Variants in ADGRG2 observed in about 807,000 individuals in gnomAD.
The protein encoded by ADGRG2 is adhesion G protein-coupled receptor G2, also known as G protein-coupled receptor 64.
A neutral mutation model predicts 74.1 loss-of-function variants in ADGRG2; 26 were observed. That is an observed-to-expected ratio of 0.35 (90% confidence interval 0.26 to 0.49). ADGRG2 has a LOEUF of 0.49. Ranked by LOEUF, ADGRG2 falls within the 20% of genes least tolerant of loss-of-function variation. The pLI is 0.99. For missense variants in ADGRG2, 619 were observed against 763.1 expected (o/e 0.81, Z 2.22); for synonymous variants, 296 against 295.2 (o/e 1.00, Z -0.03).
chrX:19,016,431 CACCCAGG>C (rs1017254159), intron 15 of ADGRG2, among the ~76,000 whole-genome samples: 5 of 111,520 alleles, frequency 4.5e-5, no homozygotes, highest in African/African-American at 1.6e-4. Flanking sequence ...AGAACCACCC[CACCCAGG>C]AGTTTTTAAA....
intron 1 of ADGRG2, among the ~76,000 whole-genome samples, chrX:19,107,434 T>C (rs2062320248): frequency 8.9e-6 from 1 of 112,311 alleles, no homozygotes; most frequent in Admixed American, 9.5e-5. Flanking sequence ...AATACTACTG[T>C]CAACCAATAC....
At chrX:19,095,364 C>T (rs1426392676) in intron 1 of ADGRG2, among the ~76,000 whole-genome samples, 2 of 111,288 alleles carry the variant, frequency 1.8e-5, no homozygotes, top group Non-Finnish European at 3.8e-5. Context: ...CCGGGCCTGC[C>T]TGTTATGAGG....
upstream of ADGRG2, chrX:19,122,732 C>G (rs1026395814): frequency 9.0e-6 from 1 of 110,982 alleles, no homozygotes; most frequent in African/African-American, 3.2e-5. Flanking sequence ...GGGGCAGGGG[C>G]CGGGGAGAAG....
At chrX:19,004,648 A>C (rs1049805880) in intron 23 of ADGRG2, 110 bp downstream of exon 23, 1 of 702,357 alleles carries the variant, frequency 1.4e-6, no homozygotes, top group African/African-American at 2.2e-5. Flanking sequence ...ATGCTCCACT[A>C]GCTGGGTGTA....
At chrX:19,077,883 C>A (rs2061778919) in intron 2 of ADGRG2, among the ~76,000 whole-genome samples, 1 of 112,174 alleles carries the variant, frequency 8.9e-6, no homozygotes, top group Non-Finnish European at 1.9e-5. Context: ...CACCAAACAG[C>A]ATTGACAGAA....
At chrX:19,030,907 CAAAAG>C (rs1229988060) in intron 9 of ADGRG2, 72 bp downstream of exon 9, 4 of 701,470 alleles carry the variant, frequency 5.7e-6, no homozygotes, top group African/African-American at 4.3e-5. Context: ...ACCACATACT[CAAAAG>C]AAAAGAAAGT....
chrX:19,022,528 G>A (rs1053415129), intron 13 of ADGRG2, among the ~76,000 whole-genome samples: 1 of 110,991 alleles, frequency 9.0e-6, no homozygotes, highest in African/African-American at 3.3e-5. Context: ...CAGAAGGCTC[G>A]GGGTTCAGAT....
Position 18,995,001 on chromosome X carries a change from G to C in ADGRG2, c.2764C>G (p.Gln922Glu), listed in dbSNP as rs759809156. Residue 922 changes from glutamine to glutamate, a missense_variant, in exon 28 of 29, where the codon CAA becomes GAA. Around this residue, in one of 3 missense-constraint regions of ADGRG2, gnomAD observed 106 missense variants for 104.5 expected, o/e 1.01. Coordinates refer to ENST00000379869, the MANE Select transcript of ADGRG2 (RefSeq NM_001079858.3). ...TNGLKKQTVNQGVSSSSNSLQ... is the reference protein window; with the variant it reads ...TNGLKKQTVNEGVSSSSNSLQ... ...GAATTTGAAGAGCTGGACACTCCTT[G>C]GTTTACAGTCTGCTTCTTTAAACCA... The C allele has an allele frequency of 5.0e-6, 6 of 1,198,714 alleles. No homozygotes were observed. The highest frequency in any genetic ancestry group is 5.6e-6 in the Non-Finnish European group (5 of 885,465).
Position 19,099,605 on chromosome X carries a change from A to C in ADGRG2, c.-46-16859T>G, listed in dbSNP as rs113049376. On this transcript the variant is annotated intron_variant, in intron 1 of 28. Coordinates refer to ENST00000379869, the MANE Select transcript of ADGRG2 (RefSeq NM_001079858.3). ...ACAAGCATTTGAACTTGGGCTGCTG[A>C]GCTTCTGAGCCCACATTCGTGACAC... 3.5e-3 allele frequency among the ~76,000 whole-genome samples: 389 copies of C among 112,295 alleles called. 1 individual carries two copies. The highest frequency in any genetic ancestry group is 0.012 in the African/African-American group (368 of 30,931).
chrX:19,020,552 G>A (rs752616420), intron 14 of ADGRG2, among the ~76,000 whole-genome samples: 3 of 111,379 alleles, frequency 2.7e-5, no homozygotes, highest in Non-Finnish European at 5.6e-5. Context: ...AAACCACCAC[G>A]GCACATGTAT....
intron 2 of ADGRG2, among the ~76,000 whole-genome samples, chrX:19,074,185 G>C (rs1352596483): frequency 1.8e-5 from 2 of 111,242 alleles, no homozygotes; most frequent in African/African-American, 3.3e-5. Context: ...TCAAACCTTG[G>C]GCTGAAGACA....
intron 2 of ADGRG2, among the ~76,000 whole-genome samples, chrX:19,081,948 C>T (rs2061852394): frequency 1.8e-5 from 2 of 108,882 alleles, no homozygotes; most frequent in African/African-American, 6.7e-5. Flanking sequence ...TTGCATGCAC[C>T]TGTGGTCCCA....
intron 2 of ADGRG2, among the ~76,000 whole-genome samples, chrX:19,074,277 T>C (rs989247591): frequency 4.8e-5 from 4 of 82,641 alleles, no homozygotes; most frequent in South Asian, 1.1e-3. Flanking sequence ...TCTCATTCTG[T>C]CACCCAGGCT....
intron 14 of ADGRG2, among the ~76,000 whole-genome samples, chrX:19,020,888 G>A (rs2060574117): frequency 9.0e-6 from 1 of 110,649 alleles, no homozygotes; most frequent in South Asian, 3.9e-4. Flanking sequence ...CCTGAATCCG[G>A]GAAGTGGAGG....
intron 1 of ADGRG2, among the ~76,000 whole-genome samples, chrX:19,096,355 T>C (rs970558853): frequency 9.7e-6 from 1 of 103,245 alleles, no homozygotes; most frequent in Non-Finnish European, 1.9e-5. Flanking sequence ...GAGGCTGCAG[T>C]GAGCCAAGAT....
chrX:19,084,863 T>C (rs755598297), intron 1 of ADGRG2, among the ~76,000 whole-genome samples: 11 of 112,452 alleles, frequency 9.8e-5, no homozygotes, highest in Non-Finnish European at 2.1e-4. Flanking sequence ...ACATGACATT[T>C]GTTTTTCCCA....
intron 25 of ADGRG2, 48 bp downstream of exon 25, chrX:18,999,813 T>C: frequency 5.3e-6 from 4 of 759,912 alleles, no homozygotes; most frequent in Non-Finnish European, 8.2e-6. Context: ...CTAGGAGCAT[T>C]CCGTTTTCCA....
Position 19,082,904 on chromosome X carries a change from G to C in ADGRG2, c.-46-158C>G, listed in dbSNP as rs1281811064. On this transcript the variant is annotated intron_variant, in intron 1 of 28. Transcript: ENST00000379869. ...GCTTGAACTTGGCAGTGGAGTTACA[G>C]AAAAAATGGATGTAAACCCTGCTGC... is the stretch of plus-strand genomic sequence containing the variant. Among the ~76,000 whole-genome samples the C allele has an allele frequency of 3.6e-5, 4 of 112,150 alleles. No individual in the cohort carries two copies. In the Admixed American group the frequency reaches 3.8e-4, roughly 11 times the overall value.
intron 3 of ADGRG2, among the ~76,000 whole-genome samples, chrX:19,054,839 T>C (rs752330534): frequency 4.5e-5 from 5 of 111,714 alleles, no homozygotes; most frequent in Non-Finnish European, 7.5e-5. Flanking sequence ...GTAGCTCACA[T>C]AGGTTGGCAA....
Sources: allele counts gnomAD v4.1 joint callset (sites outside exome capture counted in the v4.1 genomes callset), GRCh38; gene constraint gnomAD v4.1.1; regional missense constraint gnomAD v4.1.1; transcripts MANE v1.5; gene names NCBI Gene and HGNC (gene_info 2026-07-23, HGNC 2026-07-21).